The following FLT1 variants were observed in gnomAD, a reference collection of about 807,000 sequenced individuals.
FLT1 encodes vascular endothelial growth factor receptor 1.
Under a neutral mutation model 156.3 loss-of-function variants are expected in FLT1, and 49 were observed. The observed-to-expected ratio is 0.31, with a 90% CI of 0.25 to 0.40. The LOEUF (loss-of-function observed/expected upper bound fraction) is 0.40, where lower values mean the gene tolerates loss of function less well. FLT1 is among the 10% of genes least tolerant of loss of function. FLT1 has a pLI of 1.00. For missense variants in FLT1, 1,322 were observed against 1,637.2 expected, an observed-to-expected ratio of 0.81 and a Z score of 3.32; for synonymous variants, 594 against 583.8, an observed-to-expected ratio of 1.02 and a Z score of -0.25.
chr13:28,416,908 A>G (rs952658319), intron 10 of FLT1, among the ~76,000 whole-genome samples: 2 of 152,226 alleles, frequency 1.3e-5, no homozygotes, highest in Non-Finnish European at 2.9e-5. Context: ...TTAAAGACCT[A>G]AGAAATTGGA....
intron 19 of FLT1, among the ~76,000 whole-genome samples, chr13:28,329,256 T>TC (rs1034205179): frequency 2.0e-5 from 3 of 151,932 alleles, no homozygotes; most frequent in Non-Finnish European, 4.4e-5. Context: ...CAGTAGTGAT[T>TC]CATTCATTCC....
At chr13:28,417,557 G>A (rs556616520) in intron 10 of FLT1, among the ~76,000 whole-genome samples, 2 of 152,182 alleles carry the variant, frequency 1.3e-5, no homozygotes, top group South Asian at 2.1e-4. Context: ...ATCTAGTCCC[G>A]AGCTTGCCAT....
Position 28,300,378 on chromosome 13 carries a change from TATACAAA to T in FLT1, c.*2782_*2788del, listed in dbSNP as rs1870454374. ...TTGGAAGTTTATTATATGAAGATGG[TATACAAA>T]ATACATTCATCATGACTAGAAATAT... On this transcript the variant is annotated 3_prime_UTR_variant, in exon 30 of 30. Coordinates refer to ENST00000282397, the MANE Select transcript of FLT1 (RefSeq NM_002019.4). 4.3e-6 allele frequency: 1 copy of T among 233,146 alleles called. No individual in the cohort carries two copies. The highest frequency in any genetic ancestry group is 8.5e-6 in the Non-Finnish European group (1 of 118,062). 14.4% of individuals were successfully genotyped at this position (233,146 alleles called of 1,614,324 possible).
rs866565970 is a variant in FLT1, at chr13:28,344,779, G to A, written c.2355+666C>T. 7.1e-4 allele frequency among the ~76,000 whole-genome samples: 105 copies of A among 147,838 alleles called. No individual in the cohort carries two copies. The Middle Eastern group carries it at 0.011, about 15-fold the overall frequency. On this transcript the variant is annotated intron_variant, in intron 16 of 29. Transcript: ENST00000282397. ...CCAATATGTTATGAGAGAAGTCAAAGGTGGGGCCTTTACTTTTTTTTTTTT... is the reference window on the plus strand; with the variant it reads ...CCAATATGTTATGAGAGAAGTCAAAAGTGGGGCCTTTACTTTTTTTTTTTT...
At chr13:28,455,103 A>T (rs936716854) in intron 3 of FLT1, among the ~76,000 whole-genome samples, 1 of 152,212 alleles carries the variant, frequency 6.6e-6, no homozygotes, top group Non-Finnish European at 1.5e-5. Flanking sequence ...ATTCAATGCA[A>T]TCCCAATCAA....
At chr13:28,473,810 GAAAGA>G in intron 1 of FLT1, among the ~76,000 whole-genome samples, 1 of 131,436 alleles carries the variant, frequency 7.6e-6, no homozygotes, top group Non-Finnish European at 1.6e-5. Flanking sequence ...AAGAAAGAAA[GAAAGA>G]AAGAAAGAAA....
chr13:28,447,793 T>G (rs1878702391), intron 3 of FLT1, among the ~76,000 whole-genome samples: 1 of 150,836 alleles, frequency 6.6e-6, no homozygotes, highest in Non-Finnish European at 1.5e-5. Context: ...TAAACATATG[T>G]TTAGAATACA....
chr13:28,482,709 T>G (rs1880931591), intron 1 of FLT1, among the ~76,000 whole-genome samples: 1 of 152,188 alleles, frequency 6.6e-6, no homozygotes, highest in African/African-American at 2.4e-5. Context: ...TTCTACAGTT[T>G]AGGATTTTAC....
intron 16 of FLT1, among the ~76,000 whole-genome samples, chr13:28,340,024 G>A (rs1043941226): frequency 2.6e-5 from 4 of 152,124 alleles, no homozygotes; most frequent in Non-Finnish European, 4.4e-5. Context: ...AGACCAGGCT[G>A]GCCAACATGA....
intron 29 of FLT1, among the ~76,000 whole-genome samples, chr13:28,305,039 T>A (rs984041746): frequency 6.6e-6 from 1 of 152,182 alleles, no homozygotes; most frequent in Non-Finnish European, 1.5e-5. Context: ...TTCTCTTGAG[T>A]ATATGCCTAG....
rs1593798135 is a variant in FLT1, at chr13:28,443,167, C to T, written c.389-4822G>A. On this transcript the variant is annotated intron_variant, in intron 3 of 29. Coordinates refer to ENST00000282397, the MANE Select transcript of FLT1 (RefSeq NM_002019.4). Reference sequence around the variant, plus strand: ...TAGAGCTCAAAGCAGTGACAGGAAACTGGCATAGAATATGAGGTTTTCTCA... The same window carrying T: ...TAGAGCTCAAAGCAGTGACAGGAAATTGGCATAGAATATGAGGTTTTCTCA... Among the ~76,000 whole-genome samples, 3 of 152,218 alleles carry T rather than the reference C, an allele frequency of 2.0e-5. No individual in the cohort carries two copies. In the East Asian group the frequency reaches 5.8e-4, roughly 29 times the overall value.
At chr13:28,364,603 T>C (rs1873222112) in intron 14 of FLT1, among the ~76,000 whole-genome samples, 1 of 152,170 alleles carries the variant, frequency 6.6e-6, no homozygotes, top group Non-Finnish European at 1.5e-5. Flanking sequence ...GGGAGGGGTA[T>C]GTGTATGGTG....
At chr13:28,408,158 A>C (rs1027180012) in intron 10 of FLT1, among the ~76,000 whole-genome samples, 2 of 152,216 alleles carry the variant, frequency 1.3e-5, no homozygotes, top group Non-Finnish European at 2.9e-5. Flanking sequence ...ACCTTAGTCA[A>C]AGATCTTAAT....
intron 10 of FLT1, among the ~76,000 whole-genome samples, chr13:28,410,846 C>T (rs1194700355): frequency 6.6e-6 from 1 of 152,184 alleles, no homozygotes; most frequent in Non-Finnish European, 1.5e-5. Context: ...TGCTCAAGTT[C>T]ACAGGGAAAG....
chr13:28,328,400 C>T (rs1417049465), intron 19 of FLT1: 1 of 152,260 alleles, frequency 6.6e-6, no homozygotes, highest in Non-Finnish European at 1.5e-5. Context: ...CACTGCATGC[C>T]TGGGCTGGGC....
intron 14 of FLT1, among the ~76,000 whole-genome samples, chr13:28,362,494 C>T (rs1042562895): frequency 6.6e-6 from 1 of 152,144 alleles, no homozygotes; most frequent in African/African-American, 2.4e-5. Context: ...GAAACTCAGC[C>T]AATTTTCTAT....
chr13:28,399,588 T>C (rs1037547045), intron 11 of FLT1, among the ~76,000 whole-genome samples: 24 of 152,224 alleles, frequency 1.6e-4, no homozygotes, highest in African/African-American at 5.5e-4. Context: ...GTGGCCATTT[T>C]ACAAGTCCCC....
At chr13:28,325,590 G>A (rs769832586) in intron 20 of FLT1, among the ~76,000 whole-genome samples, 6 of 151,958 alleles carry the variant, frequency 3.9e-5, no homozygotes, top group African/African-American at 1.2e-4. Context: ...CGAGGCAGGC[G>A]GATCACCTGA....
chr13:28,451,862 A>G (rs1019828671), intron 3 of FLT1, among the ~76,000 whole-genome samples: 1 of 152,200 alleles, frequency 6.6e-6, no homozygotes, highest in Non-Finnish European at 1.5e-5. Context: ...TCCGGGGGCC[A>G]GACACACGAG....
Sources: gnomAD v4.1 joint callset for allele counts (sites outside exome capture counted in the v4.1 genomes callset) on GRCh38, gnomAD v4.1.1 for gene constraint, MANE v1.5 for transcripts, NCBI Gene and HGNC (gene_info 2026-07-23, HGNC 2026-07-21) for gene names.